IL12RB2: variants seen among roughly 807,000 people sequenced by gnomAD.
IL12RB2 encodes interleukin-12 receptor subunit beta-2.
In IL12RB2, 82 loss-of-function variants were observed where a neutral mutation model predicts 89.4. That is an observed-to-expected ratio of 0.92 (90% CI 0.77 to 1.10). IL12RB2 has a LOEUF of 1.10. IL12RB2 is among the 50% of genes least tolerant of loss of function. The probability of loss-of-function intolerance (pLI) is 0.00; values close to 1 mark genes in which losing one functional copy is unlikely to be tolerated. For missense variants in IL12RB2, 963 were observed against 1,031.9 expected, an observed-to-expected ratio of 0.93 and a Z score of 0.92; for synonymous variants, 368 against 370.1, an observed-to-expected ratio of 0.99 and a Z score of 0.07.
intron 10 of IL12RB2, among the ~76,000 whole-genome samples, chr1:67,352,385 T>C (rs1660945264): frequency 6.6e-6 from 1 of 152,232 alleles, no homozygotes; most frequent in South Asian, 2.1e-4. Flanking sequence ...CTGTTCCCTC[T>C]GCCAAGTTTG....
intron 8 of IL12RB2, among the ~76,000 whole-genome samples, chr1:67,331,225 A>T (rs889066220): frequency 1.3e-5 from 2 of 152,232 alleles, no homozygotes; most frequent in Non-Finnish European, 2.9e-5. Flanking sequence ...AGCTTGAAAG[A>T]AAGTAGGCTC....
chr1:67,349,536 G>A (rs1386238859), intron 9 of IL12RB2, among the ~76,000 whole-genome samples: 2 of 152,132 alleles, frequency 1.3e-5, no homozygotes, highest in African/African-American at 4.8e-5. Context: ...CTATGAGATC[G>A]GCTGCGACAG....
intron 15 of IL12RB2, among the ~76,000 whole-genome samples, chr1:67,389,287 T>C (rs148697930): frequency 6.6e-6 from 1 of 151,840 alleles, no homozygotes; most frequent in African/African-American, 2.4e-5. Context: ...CCTAGTCACA[T>C]GGCCACATCT....
intron 1 of IL12RB2, among the ~76,000 whole-genome samples, chr1:67,309,269 C>T (rs1302002800): frequency 6.6e-6 from 1 of 151,994 alleles, no homozygotes; most frequent in African/African-American, 2.4e-5. Flanking sequence ...ATTAGTATTC[C>T]CATTTTACAG....
At chr1:67,330,942 A>G (rs1447782389) in intron 8 of IL12RB2, 132 bp downstream of exon 8, 57 of 714,374 alleles carry the variant, frequency 8.0e-5, no homozygotes, top group Non-Finnish European at 1.2e-4. Context: ...GCATTAGTTA[A>G]CAAGTTAATT....
chr1:67,360,613 TG>T, intron 10 of IL12RB2, among the ~76,000 whole-genome samples: 1 of 151,844 alleles, frequency 6.6e-6, no homozygotes, highest in East Asian at 2.0e-4. Flanking sequence ...CTGGCCAACA[TG>T]GCAAAACCCT....
intron 2 of IL12RB2, among the ~76,000 whole-genome samples, chr1:67,319,880 T>A (rs1455644826): frequency 6.6e-6 from 1 of 152,100 alleles, no homozygotes; most frequent in Non-Finnish European, 1.5e-5. Flanking sequence ...ATAAAAGAGA[T>A]CCCAGAGAGC....
chr1:67,334,759 A>G (rs959652599), intron 8 of IL12RB2, among the ~76,000 whole-genome samples: 3 of 152,176 alleles, frequency 2.0e-5, no homozygotes, highest in African/African-American at 4.8e-5. Flanking sequence ...GATTACAGGC[A>G]TGAGCCACCG....
chr1:67,376,264 C>T (rs1330395422), intron 13 of IL12RB2, among the ~76,000 whole-genome samples: 1 of 152,174 alleles, frequency 6.6e-6, no homozygotes, highest in Non-Finnish European at 1.5e-5. Flanking sequence ...ACCATTGTCT[C>T]CTCATACCTA....
intron 4 of IL12RB2, among the ~76,000 whole-genome samples, chr1:67,323,141 G>T (rs980374361): frequency 6.6e-6 from 1 of 151,516 alleles, no homozygotes; most frequent in Non-Finnish European, 1.5e-5. Context: ...GACCTATAAG[G>T]ATATATATAT....
At chr1:67,353,559 A>T (rs1661069680) in intron 10 of IL12RB2, among the ~76,000 whole-genome samples, 1 of 152,098 alleles carries the variant, frequency 6.6e-6, no homozygotes, top group South Asian at 2.1e-4. Context: ...AAAAAGTGAG[A>T]CTCTGTCTCA....
At position 67,330,677 on chromosome 1, in the gene IL12RB2, C is replaced by T; in HGVS notation, c.825C>T (p.Ala275=). The change falls in exon 8 of 17, where the codon GCC becomes GCT. Residue 275 remains alanine, a synonymous_variant. Coordinates refer to ENST00000674203, the MANE Select transcript of IL12RB2 (RefSeq NM_001374259.2). ...GTTTCAAGGTTAATGTTACAAAGGC[C>T]AAAGGAAGACATGATTTGCTGGATC... ...RLWNMVNVTK[A]KGRHDLLDLK... is the part of the protein sequence containing the mutation. 6.5e-7 allele frequency: 1 copy of T among 1,546,990 alleles called. No homozygotes were observed. Among genetic ancestry groups the T allele is most frequent in the Non-Finnish European group, 8.9e-7 (1 of 1,119,482 alleles).
intron 7 of IL12RB2, 53 bp from the exon 8 acceptor site, chr1:67,330,607 T>C: frequency 3.5e-6 from 3 of 865,926 alleles, no homozygotes; most frequent in Admixed American, 1.8e-5. Flanking sequence ...TTAAAATTCC[T>C]TAAATTAGCA....
At chr1:67,310,787 C>T (rs920387872) in intron 1 of IL12RB2, among the ~76,000 whole-genome samples, 20 of 152,132 alleles carry the variant, frequency 1.3e-4, no homozygotes, top group Non-Finnish European at 2.1e-4. Flanking sequence ...TGCAGTGGTG[C>T]GATCTTGGCT....
intron 8 of IL12RB2, among the ~76,000 whole-genome samples, chr1:67,334,631 C>T (rs1349669150): frequency 3.3e-5 from 5 of 151,550 alleles, no homozygotes; most frequent in Admixed American, 6.6e-5. Flanking sequence ...GGCACCCCGC[C>T]ACCACGCCCG....
At chr1:67,342,149 G>C (rs1052980828) in intron 9 of IL12RB2, among the ~76,000 whole-genome samples, 3 of 152,166 alleles carry the variant, frequency 2.0e-5, no homozygotes, top group Non-Finnish European at 4.4e-5. Context: ...CAGGGCCCAA[G>C]TCATACCTCA....
In IL12RB2 at chr1:67,321,782, A is replaced by G. The variant is rs1210728226; in HGVS notation, c.257A>G (p.Asn86Ser). ...RINFHHGHSL[N>S]SQVTGLPLGT... ...AATTTTCACCATGGCCACTCCCTCA[A>G]TTCTCAAGTCACAGGTCTTCCCCTT... is the stretch of plus-strand genomic sequence containing the variant. Residue 86 changes from asparagine to serine, a missense_variant, in exon 4 of 17, where the codon AAT (asparagine) becomes AGT (serine). Coordinates refer to ENST00000674203, the MANE Select transcript of IL12RB2 (RefSeq NM_001374259.2). 2 of 1,611,220 alleles carry G rather than the reference A, an allele frequency of 1.2e-6. No homozygotes were observed. The highest frequency in any genetic ancestry group is 1.3e-5 in the African/African-American group (1 of 74,844).
At chr1:67,389,896 T>A in intron 15 of IL12RB2, 133 bp from the exon 16 acceptor site, 1 of 679,860 alleles carries the variant, frequency 1.5e-6, no homozygotes, top group Non-Finnish European at 2.7e-6. Flanking sequence ...ATAAATCATC[T>A]TTGTCTTTCA....
At chr1:67,369,342 G>A (rs1663040024) in intron 11 of IL12RB2, among the ~76,000 whole-genome samples, 2 of 152,206 alleles carry the variant, frequency 1.3e-5, no homozygotes, top group Non-Finnish European at 1.5e-5. Flanking sequence ...ACACATAAAA[G>A]AGTATGTTTT....
Sources: allele counts gnomAD v4.1 joint callset (sites outside exome capture counted in the v4.1 genomes callset), GRCh38; gene constraint gnomAD v4.1.1; transcripts MANE v1.5; gene names NCBI Gene and HGNC (gene_info 2026-07-23, HGNC 2026-07-21).